The following VPS37A variants were observed in gnomAD, a reference collection of about 807,000 sequenced individuals.
The protein encoded by VPS37A is VPS37A subunit of ESCRT-I.
VPS37A carries 30 observed loss-of-function variants against 49.8 expected under a neutral mutation model. That is an observed-to-expected ratio of 0.60 (90% CI 0.45 to 0.82). The LOEUF (loss-of-function observed/expected upper bound fraction) is 0.82. Ranked by LOEUF, VPS37A falls within the 40% of genes least tolerant of loss-of-function variation. The probability of loss-of-function intolerance (pLI) is 0.00; values close to 1 mark genes in which losing one functional copy is unlikely to be tolerated. For missense variants in VPS37A, 593 were observed against 464.4 expected, an observed-to-expected ratio of 1.28 and a Z score of -2.55; for synonymous variants, 195 against 160.6, an observed-to-expected ratio of 1.21 and a Z score of -1.62.
the VPS37A span, among the ~76,000 whole-genome samples, chr8:17,327,294 A>G: frequency 0.34 from 51,293 of 151,932 alleles, 11,678 homozygotes; most frequent in African/African-American, 0.64. Flanking sequence ...TTTGAGACAG[A>G]GCCTAACTCT....
chr8:17,320,936 C>T, the VPS37A span, among the ~76,000 whole-genome samples: 1,464 of 152,280 alleles, frequency 9.6e-3, 20 homozygotes, highest in East Asian at 0.037. Context: ...CATTCCACTG[C>T]GTGAAGTCTC....
chr8:17,255,738 C>G lies in VPS37A; in HGVS notation c.125+8369C>G, dbSNP rs765821886. On this transcript the variant is annotated intron_variant, in intron 1 of 11. Transcript: ENST00000324849. The stretch of plus-strand genomic sequence containing the variant: ...CCCTTCCTAGTGTCTGGAACCATCA[C>G]GCTACTTTCTTTCTTTGTGGATCTA... Among the ~76,000 whole-genome samples, 3 of 152,214 alleles carry G rather than the reference C, an allele frequency of 2.0e-5. No homozygotes were observed. The East Asian group carries it at 5.8e-4, about 29-fold the overall frequency.
chr8:17,272,275 T>TTTG (rs1027542064), intron 4 of VPS37A, among the ~76,000 whole-genome samples: 3 of 152,058 alleles, frequency 2.0e-5, no homozygotes, highest in East Asian at 1.9e-4. Flanking sequence ...ACTTTAGATT[T>TTTG]TTGTTGTTGT....
At position 17,283,824 on chromosome 8, in the gene VPS37A, C is replaced by T. The variant is rs974310037; in HGVS notation, c.970-649C>T. Among the ~76,000 whole-genome samples the T allele has an allele frequency of 1.1e-4, 16 of 152,132 alleles. 1 individual carries two copies. The South Asian group carries it at 2.5e-3, about 24-fold the overall frequency. On this transcript the variant is annotated intron_variant, in intron 9 of 11. Coordinates refer to ENST00000324849, the MANE Select transcript of VPS37A (RefSeq NM_152415.3). ...GGCTATTTGGGGTCTCTTGAGATTCCGTATGAATTTTAGGATAGGTTTTTC... is the reference window on the plus strand; with the variant it reads ...GGCTATTTGGGGTCTCTTGAGATTCTGTATGAATTTTAGGATAGGTTTTTC...
At chr8:17,267,467 T>TTGTG (rs10688047) in intron 2 of VPS37A, among the ~76,000 whole-genome samples, 62,502 of 151,196 alleles carry the variant, frequency 0.41, 15,658 homozygotes, top group Middle Eastern at 0.58. Flanking sequence ...AAATTTCTGC[T>TTGTG]TGTGTGTGTG....
At chr8:17,326,957 T>A in the VPS37A span, among the ~76,000 whole-genome samples, 1 of 152,236 alleles carries the variant, frequency 6.6e-6, no homozygotes, top group Admixed American at 6.5e-5. Context: ...GGGAATAACA[T>A]CAGTCTTATC....
At chr8:17,317,993 G>C in the VPS37A span, among the ~76,000 whole-genome samples, 1 of 152,058 alleles carries the variant, frequency 6.6e-6, no homozygotes, top group Non-Finnish European at 1.5e-5. Context: ...AACTGGAACA[G>C]AAACAAGAAA....
At chr8:17,285,303 C>T (rs753718774) in intron 10 of VPS37A, among the ~76,000 whole-genome samples, 1 of 152,062 alleles carries the variant, frequency 6.6e-6, no homozygotes, top group Non-Finnish European at 1.5e-5. Flanking sequence ...TAAATCTAGT[C>T]CTAATAGTTG....
chr8:17,311,679 TA>T, the VPS37A span: 1 of 1,612,686 alleles, frequency 6.2e-7, no homozygotes, highest in Admixed American at 1.7e-5. Context: ...AGAATGGCTG[TA>T]AAAAGGCAGA....
At chr8:17,273,557 G>A (rs1192723706) in intron 4 of VPS37A, among the ~76,000 whole-genome samples, 2 of 152,050 alleles carry the variant, frequency 1.3e-5, no homozygotes, top group African/African-American at 2.4e-5. Context: ...TAGTAGAGAC[G>A]GGGTTTCACC....
chr8:17,289,007 A>C (rs1586070542), intron 11 of VPS37A, among the ~76,000 whole-genome samples: 1 of 152,268 alleles, frequency 6.6e-6, no homozygotes, highest in East Asian at 1.9e-4. Context: ...TTGGCTGCAT[A>C]AATGTCTTCT....
At chr8:17,261,312 TTTAA>T (rs1442335985) in intron 1 of VPS37A, among the ~76,000 whole-genome samples, 1 of 152,224 alleles carries the variant, frequency 6.6e-6, no homozygotes. Flanking sequence ...AACATTTCTG[TTTAA>T]TTGTTTATTA....
At chr8:17,307,201 C>A (rs1380317286), downstream of VPS37A, among the ~76,000 whole-genome samples, 3 of 151,148 alleles carry the variant, frequency 2.0e-5, no homozygotes, top group Admixed American at 1.3e-4. Context: ...AAGAAAAAAA[C>A]AACCCCATCA....
At position 17,298,020 on chromosome 8, in the gene VPS37A, G is replaced by T. The variant is rs1054897939; in HGVS notation, c.*3034G>T. The T allele has an allele frequency of 6.6e-6, 1 of 151,950 alleles. No homozygotes were observed. Among genetic ancestry groups the T allele is most frequent in the Non-Finnish European group, 1.5e-5 (1 of 67,886 alleles). 9.4% of individuals were successfully genotyped at this position (151,950 alleles called of 1,614,324 possible). A position where few individuals can be genotyped will look rare whatever the true frequency, so the allele number is the denominator to read the frequency against. ...TCAAATAAAAGCATAGTGCTGTTTG[G>T]CATAGATACTTTGTCATTTTTTAAA... On this transcript the variant is annotated 3_prime_UTR_variant, in exon 12 of 12. Coordinates refer to ENST00000324849, the MANE Select transcript of VPS37A (RefSeq NM_152415.3).
At chr8:17,292,973 G>C (rs1455254856) in intron 11 of VPS37A, among the ~76,000 whole-genome samples, 1 of 152,040 alleles carries the variant, frequency 6.6e-6, no homozygotes, top group Non-Finnish European at 1.5e-5. Flanking sequence ...GGTATTCTCT[G>C]TATTTTCTGA....
chr8:17,272,544 G>C (rs1444107167), intron 4 of VPS37A, among the ~76,000 whole-genome samples: 1 of 152,132 alleles, frequency 6.6e-6, no homozygotes, highest in Non-Finnish European at 1.5e-5. Context: ...AATCAAGTTT[G>C]ATGCATTTCT....
At chr8:17,309,856 G>T in the VPS37A span, among the ~76,000 whole-genome samples, 1 of 152,092 alleles carries the variant, frequency 6.6e-6, no homozygotes. Context: ...CACATTATAA[G>T]AATTCTAAAA....
intron 2 of VPS37A, 97 bp from the exon 3 acceptor site, chr8:17,268,161 T>G (rs1044333147): frequency 3.2e-5 from 26 of 820,558 alleles, no homozygotes; most frequent in Non-Finnish European, 4.4e-5. Flanking sequence ...GTGTGAAAAT[T>G]TAATTTACTT....
intron 11 of VPS37A, among the ~76,000 whole-genome samples, chr8:17,286,833 TA>T (rs2150415871): frequency 6.6e-6 from 1 of 152,288 alleles, no homozygotes; most frequent in African/African-American, 2.4e-5. Context: ...ATTACTCTAA[TA>T]ATTCACCTGT....
Sources: gnomAD v4.1 joint callset for allele counts (sites outside exome capture counted in the v4.1 genomes callset) on GRCh38, gnomAD v4.1.1 for gene constraint, MANE v1.5 for transcripts, NCBI Gene and HGNC (gene_info 2026-07-23, HGNC 2026-07-21) for gene names.